LRRTM3: variants seen among roughly 807,000 people sequenced by gnomAD.
LRRTM3 encodes the protein leucine-rich repeat transmembrane neuronal protein 3.
Under a neutral mutation model 44.7 loss-of-function variants are expected in LRRTM3, and 24 were observed. The observed-to-expected ratio is 0.54, with a 90% CI of 0.39 to 0.76. LRRTM3 has a LOEUF of 0.76. Ranked by LOEUF, LRRTM3 falls within the 30% of genes least tolerant of loss-of-function variation. LRRTM3 has a pLI of 0.00. For synonymous variants in LRRTM3, 277 were observed against 278.7 expected (o/e 0.99, Z 0.06); for missense variants, 587 against 702.2 (o/e 0.84, Z 1.85).
At position 66,926,948 on chromosome 10, in the gene LRRTM3, G is replaced by T; in HGVS notation, c.32G>T (p.Gly11Val). 6.2e-7 allele frequency: 1 copy of T among 1,604,772 alleles called. No individual in the cohort carries two copies. Among genetic ancestry groups the T allele is most frequent in the Non-Finnish European group, 8.5e-7 (1 of 1,175,536 alleles). ...TTCAATGTAATTAGGCTACTGAGCG[G>T]ATCAGCTGTAGCACTGGTTATAGCC... is the stretch of plus-strand genomic sequence containing the variant. Reference protein sequence around the residue: MGFNVIRLLSGSAVALVIAPT... With the variant: MGFNVIRLLSVSAVALVIAPT... The change falls in exon 2 of 3, where the codon GGA becomes GTA. Residue 11 changes from glycine (G) to valine (V), a missense_variant. Gly to Val is a moderately radical substitution (Grantham distance 109, BLOSUM62 -3). Coordinates refer to ENST00000361320, the MANE Select transcript of LRRTM3 (RefSeq NM_178011.5).
chr10:67,018,913 C>T (rs556274103), intron 2 of LRRTM3, among the ~76,000 whole-genome samples: 19 of 152,132 alleles, frequency 1.2e-4, no homozygotes, highest in Non-Finnish European at 2.8e-4. Context: ...GCTAATCTGG[C>T]AAGTGGGTTA....
At chr10:66,979,350 C>A (rs1850279871) in intron 2 of LRRTM3, among the ~76,000 whole-genome samples, 3 of 152,046 alleles carry the variant, frequency 2.0e-5, no homozygotes, top group Non-Finnish European at 4.4e-5. Context: ...AAATAGTATT[C>A]AATTGAGTTT....
At chr10:66,958,579 A>C (rs2132760396) in intron 2 of LRRTM3, among the ~76,000 whole-genome samples, 1 of 152,290 alleles carries the variant, frequency 6.6e-6, no homozygotes, top group Middle Eastern at 3.4e-3. Flanking sequence ...TAAGTAAGTA[A>C]GCGAATCCTG....
chr10:66,972,728 T>C (rs1324560545), intron 2 of LRRTM3, among the ~76,000 whole-genome samples: 1 of 76,464 alleles, frequency 1.3e-5, no homozygotes, highest in Non-Finnish European at 2.7e-5. Context: ...TTTTTTTTTA[T>C]GAAATGGAGT....
chr10:67,045,755 A>G (rs1400061548), intron 2 of LRRTM3, among the ~76,000 whole-genome samples: 1 of 152,120 alleles, frequency 6.6e-6, no homozygotes, highest in Non-Finnish European at 1.5e-5. Context: ...TTTTTTTTAA[A>G]GAGGAGAAAC....
intron 2 of LRRTM3, among the ~76,000 whole-genome samples, chr10:66,973,262 T>C (rs1014502290): frequency 6.6e-5 from 10 of 152,296 alleles, no homozygotes; most frequent in African/African-American, 2.2e-4. Flanking sequence ...AAGACTATAA[T>C]GTATGAGTTT....
At chr10:67,061,683 G>A (rs1045424432) in intron 2 of LRRTM3, among the ~76,000 whole-genome samples, 1 of 152,174 alleles carries the variant, frequency 6.6e-6, no homozygotes, top group African/African-American at 2.4e-5. Context: ...AACATAAAAG[G>A]GATGATGAAA....
At chr10:66,965,362 C>T (rs1195522696) in intron 2 of LRRTM3, among the ~76,000 whole-genome samples, 1 of 151,848 alleles carries the variant, frequency 6.6e-6, no homozygotes, top group Non-Finnish European at 1.5e-5. Context: ...TGGTGAAACC[C>T]TGTCTCTACT....
At chr10:67,010,022 G>T (rs1852223975) in intron 2 of LRRTM3, among the ~76,000 whole-genome samples, 1 of 152,046 alleles carries the variant, frequency 6.6e-6, no homozygotes, top group South Asian at 2.1e-4. Context: ...ATTCAAACTT[G>T]TCCTTCCATT....
chr10:67,074,283 G>GC (rs1315377548), intron 2 of LRRTM3, among the ~76,000 whole-genome samples: 3 of 148,118 alleles, frequency 2.0e-5, no homozygotes, highest in Admixed American at 6.7e-5. Context: ...GCCCGCCTTG[G>GC]CCCCCCAAAG....
chr10:66,927,660 G>T lies in LRRTM3; in HGVS notation c.744G>T (p.Met248Ile). 6.2e-7 allele frequency: 1 copy of T among 1,614,160 alleles called. No individual in the cohort carries two copies. The highest frequency in any genetic ancestry group is 1.1e-5 in the South Asian group (1 of 91,084). Residue 248 changes from methionine to isoleucine, a missense_variant, in exon 2 of 3, where the codon ATG becomes ATT. Transcript: ENST00000361320. This position sits in a 1 kb window ranked among gnomAD's most constrained non-coding sequence, Gnocchi z 4.7. Reference sequence around the variant, plus strand: ...AAATCAGTGTCATAGGACAGACCATGTCCTGGACCTGGAGCTCCTTACAAA... The same window carrying T: ...AAATCAGTGTCATAGGACAGACCATTTCCTGGACCTGGAGCTCCTTACAAA... ...WNKISVIGQT[M>I]SWTWSSLQRL...
rs1053993678 is a variant in LRRTM3 at position 66,976,536 on chromosome 10, A to G, written c.1536+48084A>G. Among the ~76,000 whole-genome samples, 3 of 152,204 alleles carry G rather than the reference A, an allele frequency of 2.0e-5. No individual in the cohort carries two copies. In the East Asian group the frequency reaches 5.8e-4, roughly 29 times the overall value. ...GTGTTGAAAGATGTCTTCATATAAT[A>G]TAACTGTAATGACATCATCTCTTCC... On this transcript the variant is annotated intron_variant, in intron 2 of 2. Coordinates refer to ENST00000361320, the MANE Select transcript of LRRTM3 (RefSeq NM_178011.5).
chr10:66,932,673 C>G (rs1847469699), intron 2 of LRRTM3, among the ~76,000 whole-genome samples: 1 of 138,844 alleles, frequency 7.2e-6, no homozygotes, highest in African/African-American at 2.5e-5. Flanking sequence ...TAGTTTGTAT[C>G]AAATAGCTCT....
In LRRTM3 at chr10:67,101,311, C is replaced by CT. The variant is rs780748724; in HGVS notation, c.*3518dup. Among the ~76,000 whole-genome samples, 1 of 151,644 alleles carries CT rather than the reference C, an allele frequency of 6.6e-6. No individual in the cohort carries two copies. The highest frequency in any genetic ancestry group is 1.9e-4 in the East Asian group (1 of 5,172). On this transcript the variant is annotated 3_prime_UTR_variant, in exon 3 of 3. Coordinates refer to ENST00000361320, the MANE Select transcript of LRRTM3 (RefSeq NM_178011.5). ...TACAGGGTTGAACACATGTTCAACA[C>CT]TTTGTCAACTGAACACATGTTCAAT...
chr10:67,054,680 A>G (rs1271801422), intron 2 of LRRTM3: 4 of 152,172 alleles, frequency 2.6e-5, no homozygotes, highest in African/African-American at 7.2e-5. Flanking sequence ...TGGGAGAGGC[A>G]CTAAGAATGA....
chr10:67,060,385 C>T (rs1313069229), intron 2 of LRRTM3, among the ~76,000 whole-genome samples: 2 of 152,064 alleles, frequency 1.3e-5, no homozygotes, highest in East Asian at 1.9e-4. Context: ...AGAAGACAAG[C>T]GTATATGAAA....
At chr10:67,019,375 C>A (rs1455951842) in intron 2 of LRRTM3, among the ~76,000 whole-genome samples, 1 of 152,184 alleles carries the variant, frequency 6.6e-6, no homozygotes, top group East Asian at 1.9e-4. Context: ...TGTGCCACCA[C>A]GCCAGGCTAA....
chr10:66,983,146 A>G (rs1411346822), intron 2 of LRRTM3, among the ~76,000 whole-genome samples: 1 of 152,142 alleles, frequency 6.6e-6, no homozygotes, highest in East Asian at 1.9e-4. Context: ...CTAATGAGCA[A>G]ATTTTTTTAT....
At chr10:66,952,888 C>T (rs771496690) in intron 2 of LRRTM3, among the ~76,000 whole-genome samples, 8 of 151,904 alleles carry the variant, frequency 5.3e-5, no homozygotes, top group Non-Finnish European at 1.2e-4. Context: ...GTTAGCTAAC[C>T]TAAGAGTCAA....
Sources: allele counts gnomAD v4.1 joint callset (sites outside exome capture counted in the v4.1 genomes callset), GRCh38; gene constraint gnomAD v4.1.1; non-coding constraint Gnocchi (gnomAD v3.1); transcripts MANE v1.5; gene names NCBI Gene and HGNC (gene_info 2026-07-23, HGNC 2026-07-21).